PDE1A: variants seen among roughly 807,000 people sequenced by gnomAD.
PDE1A encodes the protein dual specificity calcium/calmodulin-dependent 3',5'-cyclic nucleotide phosphodiesterase 1A.
A neutral mutation model predicts 61.7 loss-of-function variants in PDE1A; 35 were observed. The ratio of observed to expected loss-of-function variants is 0.57; its 90% confidence interval spans 0.43 to 0.75. PDE1A has a LOEUF of 0.75. Among genes scored for constraint, PDE1A ranks in the 30% least tolerant of loss-of-function variants. The probability of loss-of-function intolerance (pLI) is 0.00; values close to 1 mark genes in which losing one functional copy is unlikely to be tolerated. For missense variants in PDE1A, 597 were observed against 630.6 expected, an observed-to-expected ratio of 0.95 and a Z score of 0.57; for synonymous variants, 232 against 213.2, an observed-to-expected ratio of 1.09 and a Z score of -0.77.
At chr2:182,264,233 G>T in intron 2 of PDE1A, 68 bp downstream of exon 2, 1 of 1,008,738 alleles carries the variant, frequency 9.9e-7, no homozygotes. Flanking sequence ...GATAAAGGAG[G>T]GTCAAGAAAG....
At position 182,453,967 on chromosome 2, in the gene PDE1A, GAA is replaced by G. The variant is rs571692849; in HGVS notation, c.101+68307_101+68308del. 2.2e-4 allele frequency among the ~76,000 whole-genome samples: 33 copies of G among 152,042 alleles called. No homozygotes were observed. The East Asian group carries it at 6.4e-3, about 30-fold the overall frequency. The stretch of plus-strand genomic sequence containing the variant: ...AAAGGGTATTCAATTAGGAAAAGAG[GAA>G]GTCAAATTGTCCCTGTTTGCAGATG... On this transcript the variant is annotated intron_variant, in intron 2 of 14. Coordinates refer to the PDE1A transcript ENST00000410103.
chr2:182,204,430 C>A (rs954586434), intron 8 of PDE1A, among the ~76,000 whole-genome samples: 3 of 152,096 alleles, frequency 2.0e-5, no homozygotes, highest in Non-Finnish European at 1.5e-5. Context: ...TGGGACCACT[C>A]GTACACATAT....
At chr2:182,351,815 C>A (rs1014395158) in intron 1 of PDE1A, among the ~76,000 whole-genome samples, 1 of 152,046 alleles carries the variant, frequency 6.6e-6, no homozygotes, top group Admixed American at 6.6e-5. Context: ...CGGATCTGAA[C>A]CATAATTAAT....
chr2:182,317,398 G>T (rs768115696), intron 1 of PDE1A, among the ~76,000 whole-genome samples: 2 of 151,958 alleles, frequency 1.3e-5, no homozygotes, highest in Non-Finnish European at 2.9e-5. Flanking sequence ...ACAAATATAT[G>T]TTGAACACCT....
At chr2:182,557,093 A>G in the PDE1A span, among the ~76,000 whole-genome samples, 1 of 152,014 alleles carries the variant, frequency 6.6e-6, no homozygotes, top group Non-Finnish European at 1.5e-5. Flanking sequence ...TCAGGAGTTC[A>G]AGACCAGCCT....
At chr2:182,213,713 A>G (rs1687884270) in intron 7 of PDE1A, among the ~76,000 whole-genome samples, 1 of 69,608 alleles carries the variant, frequency 1.4e-5, no homozygotes, top group Non-Finnish European at 3.0e-5. Flanking sequence ...AGGGAAGTTT[A>G]GAGAAAAAAG....
intron 1 of PDE1A, among the ~76,000 whole-genome samples, chr2:182,331,079 C>G (rs957395132): frequency 6.6e-6 from 1 of 152,142 alleles, no homozygotes; most frequent in African/African-American, 2.4e-5. Context: ...TGAAGCATAT[C>G]TATTTATTTT....
At chr2:182,619,030 CAAAAAAAA>C in the PDE1A span, among the ~76,000 whole-genome samples, 147 of 103,296 alleles carry the variant, frequency 1.4e-3, 1 homozygote, top group African/African-American at 4.9e-3. Context: ...GACTCCTCTG[CAAAAAAAA>C]AAAAACAAAA....
At chr2:182,196,895 A>C (rs1686179229) in intron 10 of PDE1A, among the ~76,000 whole-genome samples, 1 of 151,716 alleles carries the variant, frequency 6.6e-6, no homozygotes. Context: ...CTCCTATATA[A>C]GACATTTGGT....
At chr2:182,337,539 C>A (rs989276762) in intron 1 of PDE1A, among the ~76,000 whole-genome samples, 2 of 152,104 alleles carry the variant, frequency 1.3e-5, no homozygotes, top group African/African-American at 4.8e-5. Context: ...CCCTTAGAAT[C>A]TAGAAATTAG....
At chr2:182,156,026 C>A (rs933255850) in intron 13 of PDE1A, among the ~76,000 whole-genome samples, 1 of 152,120 alleles carries the variant, frequency 6.6e-6, no homozygotes, top group Non-Finnish European at 1.5e-5. Context: ...TAAATGGGAA[C>A]TCCCCTGCAC....
chr2:182,464,893 T>C (rs1686551436), intron 2 of PDE1A, among the ~76,000 whole-genome samples: 1 of 152,134 alleles, frequency 6.6e-6, no homozygotes, highest in Admixed American at 6.6e-5. Context: ...CATCGCTGTA[T>C]GCCTCACGCT....
chr2:182,221,354 AG>A (rs1688712105), intron 7 of PDE1A, among the ~76,000 whole-genome samples: 1 of 152,116 alleles, frequency 6.6e-6, no homozygotes, highest in African/African-American at 2.4e-5. Flanking sequence ...TACAGAGCCC[AG>A]CTCAGTGATG....
intron 1 of PDE1A, among the ~76,000 whole-genome samples, chr2:182,344,046 A>AT (rs951248431): frequency 2.0e-5 from 3 of 151,600 alleles, no homozygotes; most frequent in African/African-American, 7.3e-5. Flanking sequence ...AATTTTTAAT[A>AT]TTTTTTGTAG....
chr2:182,155,391 G>A (rs1401496821), intron 13 of PDE1A, among the ~76,000 whole-genome samples: 2 of 151,998 alleles, frequency 1.3e-5, no homozygotes, highest in Non-Finnish European at 2.9e-5. Flanking sequence ...GTCCAGCTGG[G>A]AAATTCTGGC....
At chr2:182,348,227 T>C (rs998049446) in intron 1 of PDE1A, among the ~76,000 whole-genome samples, 7 of 152,262 alleles carry the variant, frequency 4.6e-5, no homozygotes, top group African/African-American at 1.7e-4. Flanking sequence ...CAAAGGAAAG[T>C]AAACAAAAAG....
intron 2 of PDE1A, among the ~76,000 whole-genome samples, chr2:182,262,822 G>A (rs1427970407): frequency 6.6e-6 from 1 of 152,134 alleles, no homozygotes; most frequent in Non-Finnish European, 1.5e-5. Context: ...ATGAAAGGAT[G>A]AGGCAAAAAT....
At chr2:182,290,952 G>T (rs771055142) in intron 1 of PDE1A, among the ~76,000 whole-genome samples, 22 of 152,118 alleles carry the variant, frequency 1.4e-4, no homozygotes, top group Non-Finnish European at 2.6e-4. Flanking sequence ...GCCCAGTCCT[G>T]CAAGCTAGAA....
chr2:182,345,847 C>T (rs961536751), intron 1 of PDE1A, among the ~76,000 whole-genome samples: 6 of 152,226 alleles, frequency 3.9e-5, no homozygotes, highest in Middle Eastern at 3.4e-3. Flanking sequence ...ATTGCCTTTG[C>T]GTTATTTCCA....
Sources: allele counts gnomAD v4.1 joint callset (sites outside exome capture counted in the v4.1 genomes callset), GRCh38; gene constraint gnomAD v4.1.1; transcripts MANE v1.5; gene names NCBI Gene and HGNC (gene_info 2026-07-23, HGNC 2026-07-21).